Variants in KAZN observed in about 807,000 individuals in gnomAD.
KAZN encodes kazrin, periplakin interacting protein.
Under a neutral mutation model 87.4 loss-of-function variants are expected in KAZN, and 40 were observed. The ratio of observed to expected loss-of-function variants is 0.46; its 90% CI spans 0.36 to 0.60. KAZN has a LOEUF of 0.60. KAZN is among the 20% of genes least tolerant of loss of function. The pLI is 0.00. For synonymous variants in KAZN, 466 were observed against 458.3 expected (o/e 1.02, Z -0.22); for missense variants, 898 against 1,073.9 (o/e 0.84, Z 2.29).
intron 1 of KAZN, among the ~76,000 whole-genome samples, chr1:14,811,131 C>T (rs371971438): frequency 1.3e-5 from 2 of 152,182 alleles, no homozygotes; most frequent in Non-Finnish European, 2.9e-5. Flanking sequence ...TCGCCCTCCC[C>T]CAACCGACAG....
At chr1:14,525,649 G>A (rs1047309342) in intron 2 of KAZN, among the ~76,000 whole-genome samples, 3 of 152,044 alleles carry the variant, frequency 2.0e-5, no homozygotes, top group Non-Finnish European at 4.4e-5. Context: ...GCCACAGTTT[G>A]CAATATTTAA....
At chr1:15,020,783 G>T (rs1373668296) in intron 2 of KAZN, among the ~76,000 whole-genome samples, 1 of 152,128 alleles carries the variant, frequency 6.6e-6, no homozygotes, top group Non-Finnish European at 1.5e-5. Context: ...CATATACCCA[G>T]GTAGGAACTC....
chr1:14,484,003 C>T (rs1019693717), intron 2 of KAZN, among the ~76,000 whole-genome samples: 2 of 152,068 alleles, frequency 1.3e-5, no homozygotes, highest in Non-Finnish European at 2.9e-5. Context: ...TTTCCAGTAC[C>T]GTTTATTAAA....
chr1:15,091,644 G>T (rs545603044), intron 8 of KAZN, among the ~76,000 whole-genome samples: 1 of 152,126 alleles, frequency 6.6e-6, no homozygotes, highest in African/African-American at 2.4e-5. Flanking sequence ...GCACCCGGCC[G>T]TGTTTTCCTT....
At chr1:14,775,894 C>T (rs1352654857) in intron 1 of KAZN, among the ~76,000 whole-genome samples, 1 of 152,234 alleles carries the variant, frequency 6.6e-6, no homozygotes, top group Non-Finnish European at 1.5e-5. Flanking sequence ...CGTCACAGGC[C>T]CTTTCCTACA....
At chr1:13,996,956 G>C (rs1355781722) in intron 1 of KAZN, among the ~76,000 whole-genome samples, 1 of 152,182 alleles carries the variant, frequency 6.6e-6, no homozygotes, top group African/African-American at 2.4e-5. Context: ...AATCCTGCTG[G>C]CATCAGGTTG....
intron 1 of KAZN, among the ~76,000 whole-genome samples, chr1:14,719,619 A>G (rs1040843374): frequency 6.6e-6 from 1 of 152,232 alleles, no homozygotes; most frequent in Non-Finnish European, 1.5e-5. Flanking sequence ...CGGGCGGATC[A>G]CCTGAGGTCA....
intron 2 of KAZN, among the ~76,000 whole-genome samples, chr1:14,592,229 G>C (rs1211275494): frequency 6.6e-6 from 1 of 152,216 alleles, no homozygotes; most frequent in South Asian, 2.1e-4. Context: ...TCTGTGGAGA[G>C]GGAGGGTAAC....
At chr1:13,981,093 A>ATATATATATATATATATATATGTG (rs71272488) in intron 1 of KAZN, among the ~76,000 whole-genome samples, 1 of 78,150 alleles carries the variant, frequency 1.3e-5, no homozygotes, top group Non-Finnish European at 2.7e-5. Context: ...TACTCTTTAT[A>ATATATATATATATATATATATGTG]TATATATATA....
chr1:13,971,511 A>T (rs973985546), intron 1 of KAZN, among the ~76,000 whole-genome samples: 1 of 152,178 alleles, frequency 6.6e-6, no homozygotes, highest in African/African-American at 2.4e-5. Context: ...CTTTCCAGCC[A>T]TCTTCACGTG....
rs114886093 is a variant in KAZN, at chr1:14,063,003, G to A, written c.92-117432G>A. ...AATGCTTGAAAACATGTTTTGTTAA[G>A]CAAATTCAATATACACATATTTTAC... is the stretch of plus-strand genomic sequence containing the variant. On this transcript the variant is annotated intron_variant, in intron 1 of 16. Coordinates refer to the KAZN transcript ENST00000636203. 4.9e-3 allele frequency among the ~76,000 whole-genome samples: 750 copies of A among 152,258 alleles called. 5 individuals carry two copies. The highest frequency in any genetic ancestry group is 0.017 in the African/African-American group (717 of 41,550).
At chr1:13,920,445 C>G (rs142009982) in intron 1 of KAZN, among the ~76,000 whole-genome samples, 170 of 152,212 alleles carry the variant, frequency 1.1e-3, no homozygotes, top group African/African-American at 3.9e-3. Context: ...GTAAGTCCTC[C>G]AGCTTTGCTT....
intron 1 of KAZN, among the ~76,000 whole-genome samples, chr1:14,036,758 C>T (rs1209926402): frequency 6.6e-6 from 1 of 151,836 alleles, no homozygotes; most frequent in East Asian, 1.9e-4. Flanking sequence ...TCTTTGGAGT[C>T]TATTTATTTA....
intron 1 of KAZN, among the ~76,000 whole-genome samples, chr1:14,670,914 T>C (rs1380048948): frequency 6.6e-6 from 1 of 152,218 alleles, no homozygotes; most frequent in African/African-American, 2.4e-5. Context: ...CTGAAAACAT[T>C]TTTAGTAATC....
chr1:14,682,765 T>A (rs1640747316), intron 1 of KAZN, among the ~76,000 whole-genome samples: 1 of 152,192 alleles, frequency 6.6e-6, no homozygotes, highest in African/African-American at 2.4e-5. Context: ...TATTTACCTG[T>A]TAATGCTCAT....
At chr1:14,351,943 AAATC>A (rs1049977946) in intron 2 of KAZN, among the ~76,000 whole-genome samples, 2 of 152,264 alleles carry the variant, frequency 1.3e-5, no homozygotes, top group Non-Finnish European at 2.9e-5. Context: ...CGAAAAAAGA[AAATC>A]AAACTAAAGT....
intron 1 of KAZN, among the ~76,000 whole-genome samples, chr1:14,660,139 A>G (rs1639056785): frequency 6.6e-6 from 1 of 152,070 alleles, no homozygotes; most frequent in Admixed American, 6.6e-5. Flanking sequence ...AGGGGAAGGG[A>G]AGTCGAGATG....
At position 14,856,964 on chromosome 1, in the gene KAZN, A is replaced by G. The variant is rs757399512; in HGVS notation, c.227-103720A>G. ...CCACACATAGGGGTTTCTGCAGAGG[A>G]TAACAATTTGCACTCGAACAGGAGA... On this transcript the variant is annotated intron_variant, in intron 1 of 14. Coordinates refer to ENST00000376030, the MANE Select transcript of KAZN (RefSeq NM_201628.3). The surrounding 1 kb of genome is among the most constrained non-coding windows in gnomAD (Gnocchi z 5.2). 6.6e-6 allele frequency among the ~76,000 whole-genome samples: 1 copy of G among 152,190 alleles called. No individual in the cohort carries two copies. Among genetic ancestry groups the G allele is most frequent in the Non-Finnish European group, 1.5e-5 (1 of 68,038 alleles).
chr1:14,844,908 GT>G (rs1173504118), intron 1 of KAZN, among the ~76,000 whole-genome samples: 1 of 152,094 alleles, frequency 6.6e-6, no homozygotes, highest in Non-Finnish European at 1.5e-5. Context: ...ATGAGTTGGT[GT>G]TTTGGTGGGT....
Sources: allele counts gnomAD v4.1 joint callset (sites outside exome capture counted in the v4.1 genomes callset), GRCh38; gene constraint gnomAD v4.1.1; non-coding constraint Gnocchi (gnomAD v3.1); transcripts MANE v1.5; gene names NCBI Gene and HGNC (gene_info 2026-07-23, HGNC 2026-07-21).